Variants in SLC4A4 observed in about 807,000 individuals in gnomAD.
SLC4A4 encodes the protein electrogenic sodium bicarbonate cotransporter 1.
A neutral mutation model predicts 111.5 loss-of-function variants in SLC4A4; 27 were observed. The ratio of observed to expected loss-of-function variants is 0.24; its 90% CI spans 0.18 to 0.33. SLC4A4 has a LOEUF of 0.33. SLC4A4 is among the 10% of genes least tolerant of loss of function. The probability of loss-of-function intolerance (pLI) is 1.00; values close to 1 mark genes in which losing one functional copy is unlikely to be tolerated. For missense variants in SLC4A4, 909 were observed against 1,315.5 expected (o/e 0.69, Z 4.78); for synonymous variants, 443 against 463.4 (o/e 0.96, Z 0.57).
chr4:71,269,167 G>T (rs1357327415), intron 3 of SLC4A4, among the ~76,000 whole-genome samples: 2 of 152,100 alleles, frequency 1.3e-5, no homozygotes, highest in South Asian at 4.2e-4. Flanking sequence ...CCTTTGATAG[G>T]GTGCAGTCAA....
intron 18 of SLC4A4, among the ~76,000 whole-genome samples, 191 bp from the exon 19 acceptor site, chr4:71,546,159 T>A (rs1247975099): frequency 6.6e-6 from 1 of 152,064 alleles, no homozygotes; most frequent in Non-Finnish European, 1.5e-5. Flanking sequence ...ATAGCAGCTA[T>A]AAGATGCAGC....
At chr4:71,115,738 A>G (rs2148953932) in intron 2 of SLC4A4, among the ~76,000 whole-genome samples, 1 of 152,372 alleles carries the variant, frequency 6.6e-6, no homozygotes, top group East Asian at 1.9e-4. Context: ...GAGTGCTGTC[A>G]TGTAAGATGA....
intron 3 of SLC4A4, among the ~76,000 whole-genome samples, chr4:71,322,102 G>A (rs1224900276): frequency 3.3e-5 from 5 of 151,968 alleles, no homozygotes; most frequent in East Asian, 3.9e-4. Flanking sequence ...CAGAGTTCCA[G>A]CAAAATCTTT....
At chr4:71,526,715 C>T (rs1176325978) in intron 16 of SLC4A4, among the ~76,000 whole-genome samples, 1 of 152,018 alleles carries the variant, frequency 6.6e-6, no homozygotes, top group Non-Finnish European at 1.5e-5. Flanking sequence ...AAATTGAGAT[C>T]TGGAGATCAG....
At chr4:71,527,922 A>G (rs551147920) in intron 16 of SLC4A4, among the ~76,000 whole-genome samples, 11 of 152,090 alleles carry the variant, frequency 7.2e-5, no homozygotes, top group Non-Finnish European at 1.5e-4. Context: ...TAGATAGGAA[A>G]GAAGAGACCA....
intron 8 of SLC4A4, among the ~76,000 whole-genome samples, chr4:71,446,617 T>G (rs1725253924): frequency 6.6e-6 from 1 of 152,188 alleles, no homozygotes; most frequent in Non-Finnish European, 1.5e-5. Flanking sequence ...TAAATGGGAA[T>G]AGGATACTTT....
chr4:71,436,972 T>TA (rs34849641), intron 7 of SLC4A4: 10,212 of 337,382 alleles, frequency 0.03, 438 homozygotes, highest in East Asian at 0.13. Context: ...TGTTTTCTAT[T>TA]AAAAAAAAAG....
chr4:71,514,327 C>T (rs1241221582), intron 16 of SLC4A4, among the ~76,000 whole-genome samples: 2 of 152,144 alleles, frequency 1.3e-5, no homozygotes, highest in Non-Finnish European at 2.9e-5. Flanking sequence ...CCTCCCCCTT[C>T]ACCCTCTTCC....
chr4:71,169,286 G>C (rs1203058758), intron 2 of SLC4A4, among the ~76,000 whole-genome samples: 1 of 151,876 alleles, frequency 6.6e-6, no homozygotes, highest in Admixed American at 6.6e-5. Context: ...AAAGTGTTGG[G>C]ATTACAGGTG....
intron 1 of SLC4A4, among the ~76,000 whole-genome samples, chr4:71,208,660 T>C (rs867348811): frequency 8.4e-4 from 128 of 152,118 alleles, no homozygotes; most frequent in African/African-American, 3.0e-3. Context: ...ATTTATTAAT[T>C]ATGGTTTTCT....
intron 16 of SLC4A4, among the ~76,000 whole-genome samples, chr4:71,504,247 T>C (rs1731188167): frequency 6.6e-6 from 1 of 152,186 alleles, no homozygotes; most frequent in Non-Finnish European, 1.5e-5. Flanking sequence ...AAATAGGTTT[T>C]CTGTTATTTT....
At chr4:71,128,887 T>G (rs1743626618) in intron 2 of SLC4A4, among the ~76,000 whole-genome samples, 1 of 152,236 alleles carries the variant, frequency 6.6e-6, no homozygotes, top group African/African-American at 2.4e-5. Context: ...CCCTAGTGTC[T>G]TAGTATCTAA....
intron 2 of SLC4A4, among the ~76,000 whole-genome samples, chr4:71,102,395 C>A (rs1021629403): frequency 3.3e-5 from 5 of 150,392 alleles, no homozygotes; most frequent in African/African-American, 1.2e-4. Flanking sequence ...GGCAGGCCAA[C>A]GTTCAGATTC....
intron 16 of SLC4A4, among the ~76,000 whole-genome samples, chr4:71,498,233 T>A (rs918382116): frequency 3.3e-5 from 5 of 152,156 alleles, no homozygotes; most frequent in African/African-American, 1.2e-4. Flanking sequence ...GAGAAACAGA[T>A]AATTAAACTG....
chr4:71,350,110 G>A (rs370878253), intron 5 of SLC4A4, 38 bp downstream of exon 5: 94 of 1,609,052 alleles, frequency 5.8e-5, no homozygotes, highest in Non-Finnish European at 7.3e-5. Context: ...ATTTTTTTCG[G>A]CTTTCCCTAG....
At chr4:71,506,822 A>C (rs1168099691) in intron 16 of SLC4A4, among the ~76,000 whole-genome samples, 1 of 152,142 alleles carries the variant, frequency 6.6e-6, no homozygotes, top group Non-Finnish European at 1.5e-5. Flanking sequence ...AAGAAAAGAA[A>C]AAATGTTTAG....
chr4:71,300,694 A>G, intron 3 of SLC4A4: 1 of 391,670 alleles, frequency 2.6e-6, no homozygotes, highest in Non-Finnish European at 5.1e-6. Flanking sequence ...AGTGATATGT[A>G]GGGGCATGGG....
At chr4:71,512,317 T>C (rs1039485869) in intron 16 of SLC4A4, among the ~76,000 whole-genome samples, 1 of 152,122 alleles carries the variant, frequency 6.6e-6, no homozygotes, top group South Asian at 2.1e-4. Context: ...TTATTTTTGG[T>C]CTTTTTAGTA....
intron 13 of SLC4A4, among the ~76,000 whole-genome samples, chr4:71,469,811 T>C (rs1727700436): frequency 6.6e-6 from 1 of 151,988 alleles, no homozygotes; most frequent in Non-Finnish European, 1.5e-5. Flanking sequence ...GTTGAACTAC[T>C]GTAGTATTGC....
Sources: gnomAD v4.1 joint callset for allele counts (sites outside exome capture counted in the v4.1 genomes callset) on GRCh38, gnomAD v4.1.1 for gene constraint, MANE v1.5 for transcripts, NCBI Gene and HGNC (gene_info 2026-07-23, HGNC 2026-07-21) for gene names.